SORL1: variants seen among roughly 807,000 people sequenced by gnomAD.
SORL1 encodes sortilin related receptor 1, also known as sortilin-related receptor.
In SORL1, 127 loss-of-function variants were observed where a neutral mutation model predicts 273.7. The ratio of observed to expected loss-of-function variants is 0.46; its 90% CI spans 0.40 to 0.54. The LOEUF (loss-of-function observed/expected upper bound fraction) is 0.54. SORL1 is among the 20% of genes least tolerant of loss of function. The pLI, the probability that SORL1 is intolerant of heterozygous loss-of-function variation, is 0.00. For synonymous variants in SORL1, 1,031 were observed against 1,067.4 expected (o/e 0.97, Z 0.66); for missense variants, 2,494 against 2,846.1 (o/e 0.88, Z 2.81).
chr11:121,559,774 C>T (rs1406023212), intron 21 of SORL1, 117 bp downstream of exon 21: 5 of 811,748 alleles, frequency 6.2e-6, no homozygotes, highest in African/African-American at 5.2e-5. Flanking sequence ...GTCACGACAA[C>T]ATGCACATTA....
intron 11 of SORL1, among the ~76,000 whole-genome samples, chr11:121,523,867 G>A (rs922653405): frequency 1.3e-5 from 2 of 152,198 alleles, no homozygotes; most frequent in African/African-American, 4.8e-5. Context: ...TCCCATCCAC[G>A]TGGTGCTTTA....
chr11:121,589,802 C>T (rs1197754460), intron 29 of SORL1, among the ~76,000 whole-genome samples: 3 of 152,168 alleles, frequency 2.0e-5, no homozygotes, highest in Non-Finnish European at 1.5e-5. Flanking sequence ...TGATTGTTCT[C>T]AGGATATTGT....
intron 11 of SORL1, among the ~76,000 whole-genome samples, chr11:121,527,136 G>A (rs1040016986): frequency 5.9e-5 from 9 of 151,536 alleles, no homozygotes; most frequent in African/African-American, 2.2e-4. Context: ...TAACTATGGT[G>A]TTAGCAGTAG....
intron 39 of SORL1, chr11:121,611,393 C>A (rs933807026): frequency 6.5e-5 from 26 of 397,484 alleles, no homozygotes; most frequent in Non-Finnish European, 1.2e-4. Context: ...TTATCCTTAA[C>A]CATATAATTA....
chr11:121,614,729 A>G (rs1411531553), intron 40 of SORL1, 142 bp from the exon 41 acceptor site: 2 of 660,482 alleles, frequency 3.0e-6, no homozygotes, highest in Non-Finnish European at 5.3e-6. Flanking sequence ...TGAATTTGTC[A>G]TCTAATGACA....
intron 1 of SORL1, among the ~76,000 whole-genome samples, chr11:121,468,214 G>C (rs985314337): frequency 6.6e-6 from 1 of 152,144 alleles, no homozygotes; most frequent in Non-Finnish European, 1.5e-5. Context: ...GCCCAGGCTT[G>C]AACTGTCATC....
At chr11:121,555,412 C>T in intron 18 of SORL1, 94 bp downstream of exon 18, 3 of 1,470,986 alleles carry the variant, frequency 2.0e-6, no homozygotes, top group Non-Finnish European at 2.8e-6. Flanking sequence ...GCCAGTGTGT[C>T]AGATTACTCA....
intron 23 of SORL1, among the ~76,000 whole-genome samples, chr11:121,571,854 A>G (rs961694882): frequency 7.9e-5 from 12 of 152,248 alleles, no homozygotes; most frequent in Non-Finnish European, 1.6e-4. Context: ...GATTTGGGAA[A>G]GCACTAGCCT....
At chr11:121,484,523 A>T (rs1198647520) in intron 3 of SORL1, among the ~76,000 whole-genome samples, 1 of 152,116 alleles carries the variant, frequency 6.6e-6, no homozygotes, top group Non-Finnish European at 1.5e-5. Context: ...GGACTGGAGT[A>T]AAAACCCATC....
At chr11:121,479,991 G>A (rs1591554940) in intron 3 of SORL1, among the ~76,000 whole-genome samples, 1 of 152,254 alleles carries the variant, frequency 6.6e-6, no homozygotes, top group East Asian at 1.9e-4. Context: ...TGGTCCCCAG[G>A]ACTCCCAGAG....
intron 23 of SORL1, among the ~76,000 whole-genome samples, chr11:121,571,087 T>C (rs150284730): frequency 6.6e-6 from 1 of 152,096 alleles, no homozygotes; most frequent in East Asian, 1.9e-4. Context: ...AGAAACGGAG[T>C]TCACAGTCTG....
In SORL1 at chr11:121,576,384, C is replaced by T. The variant is rs117806822; in HGVS notation, c.3461-897C>T. On this transcript the variant is annotated intron_variant, in intron 24 of 47. Transcript: ENST00000260197. ...CAAGCGTGGCAGAAGGAGTGAACAG[C>T]TCCCTCCCACCTCTTTCTTAAGGAC... is the stretch of plus-strand genomic sequence containing the variant. 2.1e-3 allele frequency among the ~76,000 whole-genome samples: 313 copies of T among 152,248 alleles called. 7 individuals are homozygous for T. In the East Asian group the frequency reaches 0.057, roughly 28 times the overall value.
chr11:121,545,516 C>T, intron 14 of SORL1, 87 bp downstream of exon 14: 2 of 1,267,408 alleles, frequency 1.6e-6, no homozygotes, highest in South Asian at 1.3e-5. Context: ...GGTCCCTTTC[C>T]CTGAGCAAAG....
chr11:121,494,225 A>T (rs996045276), intron 5 of SORL1, among the ~76,000 whole-genome samples: 4 of 151,424 alleles, frequency 2.6e-5, no homozygotes, highest in Admixed American at 2.6e-4. Flanking sequence ...CCTGGGAGAA[A>T]GGACTGGTTT....
chr11:121,556,482 G>A (rs768066229), intron 18 of SORL1, among the ~76,000 whole-genome samples: 5 of 152,184 alleles, frequency 3.3e-5, no homozygotes, highest in Non-Finnish European at 7.4e-5. Flanking sequence ...ATGCTGCCTC[G>A]GTGGTTATGT....
Position 121,629,670 on chromosome 11 carries a change from A to G in SORL1, c.*107A>G. 1 of 597,664 alleles carries G rather than the reference A, an allele frequency of 1.7e-6. No individual in the cohort carries two copies. The highest frequency in any genetic ancestry group is 2.2e-5 in the South Asian group (1 of 46,334). The allele number at this position is 597,664 out of a possible 1,614,324, so 37.0% of individuals were successfully genotyped here. On this transcript the variant is annotated 3_prime_UTR_variant, in exon 48 of 48. Transcript: ENST00000260197. Reference sequence around the variant, plus strand: ...CTTTGAGTTGCAATATGTTATTTTTATATGGGCCAAAAACAAAAAACAAAA... The same window carrying G: ...CTTTGAGTTGCAATATGTTATTTTTGTATGGGCCAAAAACAAAAAACAAAA...
At chr11:121,487,175 T>G (rs2134809558) in intron 3 of SORL1, among the ~76,000 whole-genome samples, 1 of 152,344 alleles carries the variant, frequency 6.6e-6, no homozygotes, top group East Asian at 1.9e-4. Flanking sequence ...TCACTTTCTC[T>G]TGACTGATGG....
intron 21 of SORL1, 107 bp downstream of exon 21, chr11:121,559,764 G>C: frequency 1.0e-6 from 1 of 953,022 alleles, no homozygotes; most frequent in Non-Finnish European, 1.6e-6. Flanking sequence ...CATCTTTGTT[G>C]TCACGACAAC....
chr11:121,583,727 C>T lies in SORL1; in HGVS notation c.3706+144C>T, dbSNP rs1406221263. ...GAAACCAAATAAGCCCATCTACTTT[C>T]TATGTTATATTGCCATATGATGTAT... On this transcript the variant is annotated intron_variant, in intron 26 of 47. Transcript: ENST00000260197. 9.7e-6 allele frequency: 8 copies of T among 824,830 alleles called. No individual in the cohort carries two copies. The East Asian group carries it at 2.2e-4, about 23-fold the overall frequency. 51.1% of individuals were successfully genotyped at this position (824,830 alleles called of 1,614,324 possible).
Sources: allele counts gnomAD v4.1 joint callset (sites outside exome capture counted in the v4.1 genomes callset), GRCh38; gene constraint gnomAD v4.1.1; transcripts MANE v1.5; gene names NCBI Gene and HGNC (gene_info 2026-07-23, HGNC 2026-07-21).